The following RTN1 variants were observed in gnomAD, a reference collection of about 807,000 sequenced individuals.
RTN1 encodes reticulon 1.
In RTN1, 25 loss-of-function variants were observed where a neutral mutation model predicts 65.5. That is an observed-to-expected ratio of 0.38 (90% CI 0.28 to 0.53). The LOEUF is 0.53. Ranked by LOEUF, RTN1 falls within the 20% of genes least tolerant of loss-of-function variation. The pLI is 0.79. For missense variants in RTN1, 983 were observed against 1,025.4 expected (o/e 0.96, Z 0.57); for synonymous variants, 471 against 447.6 (o/e 1.05, Z -0.66).
chr14:59,737,360 A>G (rs1285014480), intron 2 of RTN1, among the ~76,000 whole-genome samples: 3 of 152,192 alleles, frequency 2.0e-5, no homozygotes, highest in Non-Finnish European at 4.4e-5. Flanking sequence ...TAGCATTCCT[A>G]TACAGCAACA....
intron 3 of RTN1, among the ~76,000 whole-genome samples, chr14:59,701,286 A>C (rs1884172311): frequency 6.6e-6 from 1 of 152,212 alleles, no homozygotes; most frequent in African/African-American, 2.4e-5. Context: ...TTAAACATAG[A>C]GTTATCTTAT....
chr14:59,658,648 T>C (rs1883176813), intron 3 of RTN1, among the ~76,000 whole-genome samples: 1 of 152,108 alleles, frequency 6.6e-6, no homozygotes, highest in South Asian at 2.1e-4. Flanking sequence ...GAGGGGCCTG[T>C]TAGAAGGGAA....
chr14:59,629,189 A>G (rs1882479082), intron 3 of RTN1, among the ~76,000 whole-genome samples: 1 of 152,204 alleles, frequency 6.6e-6, no homozygotes, highest in South Asian at 2.1e-4. Flanking sequence ...AGCTCCATCG[A>G]TTTACTTTTG....
intron 1 of RTN1, among the ~76,000 whole-genome samples, chr14:59,777,531 C>T (rs1886074866): frequency 6.6e-6 from 1 of 152,076 alleles, no homozygotes; most frequent in Non-Finnish European, 1.5e-5. Context: ...GCACTCCTTC[C>T]AAACAATCTC....
At chr14:59,703,311 A>G (rs1026203560) in intron 3 of RTN1, among the ~76,000 whole-genome samples, 3 of 152,196 alleles carry the variant, frequency 2.0e-5, no homozygotes, top group African/African-American at 4.8e-5. Context: ...TGATTGGATC[A>G]TGGGGACAAC....
intron 3 of RTN1, among the ~76,000 whole-genome samples, chr14:59,626,415 A>G (rs1199848528): frequency 6.6e-6 from 1 of 152,196 alleles, no homozygotes; most frequent in East Asian, 1.9e-4. Context: ...CGCAGAGTAA[A>G]GTGGGAGGTG....
At chr14:59,605,242 G>T (rs1289047761) in intron 5 of RTN1, 126 bp downstream of exon 5, 2 of 934,920 alleles carry the variant, frequency 2.1e-6, no homozygotes, top group Non-Finnish European at 3.2e-6. Flanking sequence ...ACAACTGGAG[G>T]TCTTCTGACT....
intron 3 of RTN1, among the ~76,000 whole-genome samples, chr14:59,653,571 A>G (rs2140201020): frequency 6.6e-6 from 1 of 152,054 alleles, no homozygotes; most frequent in East Asian, 1.9e-4. Context: ...AAAAATATAT[A>G]TAAAGCAATA....
At chr14:59,840,527 T>C (rs1467887698) in intron 1 of RTN1, among the ~76,000 whole-genome samples, 3 of 152,208 alleles carry the variant, frequency 2.0e-5, no homozygotes, top group African/African-American at 7.2e-5. Flanking sequence ...ATGGTTGTCG[T>C]AGGAGTAAAT....
At position 59,612,741 on chromosome 14, in the gene RTN1, C is replaced by A. The variant is rs1337851523; in HGVS notation, c.1766-5249G>T. On this transcript the variant is annotated intron_variant, in intron 3 of 8. Coordinates refer to ENST00000267484, the MANE Select transcript of RTN1 (RefSeq NM_021136.3). The stretch of plus-strand genomic sequence containing the variant: ...GTCCTTAGGAGCTTAACCTTGTGAC[C>A]ATGCGGGGATACTTTCTTTTGGTTT... Among the ~76,000 whole-genome samples the A allele has an allele frequency of 2.6e-5, 4 of 152,172 alleles. No individual in the cohort carries two copies. The East Asian group carries it at 7.7e-4, about 29-fold the overall frequency.
At chr14:59,725,927 C>A (rs1884748349) in intron 3 of RTN1, among the ~76,000 whole-genome samples, 1 of 152,210 alleles carries the variant, frequency 6.6e-6, no homozygotes. Flanking sequence ...AAAGAAAGCA[C>A]TTCTAAAGGA....
At chr14:59,778,758 A>G (rs1217568641) in intron 1 of RTN1, among the ~76,000 whole-genome samples, 1 of 152,200 alleles carries the variant, frequency 6.6e-6, no homozygotes, top group East Asian at 1.9e-4. Context: ...TAATAAGGGA[A>G]TTAGGGTGGA....
chr14:59,754,843 C>T (rs1885603332), intron 1 of RTN1, among the ~76,000 whole-genome samples: 1 of 152,094 alleles, frequency 6.6e-6, no homozygotes, highest in Admixed American at 6.6e-5. Flanking sequence ...TCTCTGGGGT[C>T]CACCTTAGAT....
intron 1 of RTN1, among the ~76,000 whole-genome samples, chr14:59,857,622 T>C (rs1265391700): frequency 6.6e-6 from 1 of 152,236 alleles, no homozygotes; most frequent in African/African-American, 2.4e-5. Context: ...TTTATTCCCA[T>C]GGTTACTTAT....
In RTN1 at chr14:59,733,825, CAA is replaced by C. The variant is rs372255567; in HGVS notation, c.1016-6159_1016-6158del. ...TCTAGCCTGTGGGGCTTGGAAAGCC[CAA>C]ACCAATTGGGGGCTGAAGGGATCTC... On this transcript the variant is annotated intron_variant, in intron 2 of 8. Transcript: ENST00000267484. 2.7e-4 allele frequency among the ~76,000 whole-genome samples: 41 copies of C among 152,324 alleles called. No homozygotes were observed. In the East Asian group the frequency reaches 4.3e-3, roughly 16 times the overall value.
At chr14:59,820,151 G>A (rs570855439) in intron 1 of RTN1, among the ~76,000 whole-genome samples, 1 of 152,152 alleles carries the variant, frequency 6.6e-6, no homozygotes, top group South Asian at 2.1e-4. Flanking sequence ...GAGTGGTAAT[G>A]TTAATTTTTT....
At chr14:59,764,621 C>T (rs943923895) in intron 1 of RTN1, among the ~76,000 whole-genome samples, 2 of 152,010 alleles carry the variant, frequency 1.3e-5, no homozygotes, top group Non-Finnish European at 2.9e-5. Flanking sequence ...CGCGCCCAGC[C>T]GTGAAATTTT....
chr14:59,680,521 C>T (rs1883724370), intron 3 of RTN1, among the ~76,000 whole-genome samples: 1 of 152,174 alleles, frequency 6.6e-6, no homozygotes, highest in Non-Finnish European at 1.5e-5. Flanking sequence ...TTACCAATTT[C>T]CCAATGAACC....
chr14:59,715,588 G>A (rs1276842169), intron 3 of RTN1, among the ~76,000 whole-genome samples: 1 of 152,188 alleles, frequency 6.6e-6, no homozygotes, highest in South Asian at 2.1e-4. Flanking sequence ...CACTTTGGGA[G>A]GCAGAGGCAG....
Sources: gnomAD v4.1 joint callset for allele counts (sites outside exome capture counted in the v4.1 genomes callset) on GRCh38, gnomAD v4.1.1 for gene constraint, MANE v1.5 for transcripts, NCBI Gene and HGNC (gene_info 2026-07-23, HGNC 2026-07-21) for gene names.